The following DLG2 variants were observed in gnomAD, a reference collection of about 807,000 sequenced individuals.
DLG2 encodes the protein disks large homolog 2.
DLG2 carries 45 observed loss-of-function variants against 132.5 expected under a neutral mutation model. The ratio of observed to expected loss-of-function variants is 0.34; its 90% CI spans 0.27 to 0.44. DLG2 has a LOEUF of 0.44. DLG2 is among the 20% of genes least tolerant of loss of function. The pLI is 1.00. For synonymous variants in DLG2, 424 were observed against 419.6 expected (o/e 1.01, Z -0.13); for missense variants, 1,045 against 1,196.9 (o/e 0.87, Z 1.87).
At chr11:84,437,894 C>G (rs912973444) in intron 7 of DLG2, 1 of 152,534 alleles carries the variant, frequency 6.6e-6, no homozygotes, top group Non-Finnish European at 1.5e-5. Context: ...GCTTTGGCTT[C>G]CCTCTATCTT....
chr11:84,025,402 C>G (rs772402799), intron 11 of DLG2, among the ~76,000 whole-genome samples: 2 of 152,154 alleles, frequency 1.3e-5, no homozygotes, highest in African/African-American at 2.4e-5. Flanking sequence ...TTACCTCCCA[C>G]TGGGTCCCTC....
intron 7 of DLG2, among the ~76,000 whole-genome samples, chr11:84,314,544 T>C (rs1426512795): frequency 6.6e-6 from 1 of 152,112 alleles, no homozygotes; most frequent in African/African-American, 2.4e-5. Context: ...TAAATATACA[T>C]ATATCAGTAG....
intron 6 of DLG2, among the ~76,000 whole-genome samples, chr11:84,767,628 T>C (rs934509899): frequency 6.6e-6 from 1 of 152,072 alleles, no homozygotes; most frequent in East Asian, 1.9e-4. Context: ...GTCAAGATTT[T>C]TTTTTTTATT....
intron 19 of DLG2, among the ~76,000 whole-genome samples, chr11:83,554,461 A>G (rs1010712087): frequency 3.9e-5 from 6 of 152,220 alleles, no homozygotes; most frequent in Non-Finnish European, 8.8e-5. Context: ...GAGGTAACAT[A>G]TGTAAAACTC....
chr11:85,028,118 A>G (rs372844599), intron 6 of DLG2, among the ~76,000 whole-genome samples: 5 of 152,254 alleles, frequency 3.3e-5, no homozygotes, highest in African/African-American at 7.2e-5. Context: ...CCAGCTGTCA[A>G]TGAAGAGGGA....
chr11:84,133,121 C>T (rs2094477978), intron 9 of DLG2, among the ~76,000 whole-genome samples: 1 of 152,004 alleles, frequency 6.6e-6, no homozygotes, highest in Non-Finnish European at 1.5e-5. Flanking sequence ...GTAGCATAGG[C>T]AACCAGACAG....
intron 6 of DLG2, among the ~76,000 whole-genome samples, chr11:85,040,188 G>A (rs1418105850): frequency 1.3e-5 from 2 of 151,774 alleles, no homozygotes; most frequent in African/African-American, 4.8e-5. Flanking sequence ...ACCTACCAAG[G>A]ATGAAAAGAA....
At chr11:83,641,394 A>G (rs544312719) in intron 18 of DLG2, among the ~76,000 whole-genome samples, 12 of 152,328 alleles carry the variant, frequency 7.9e-5, no homozygotes, top group Admixed American at 2.0e-4. Flanking sequence ...ATATGATGAT[A>G]CAAAAATAAT....
intron 7 of DLG2, among the ~76,000 whole-genome samples, chr11:84,312,225 A>G (rs1255614235): frequency 6.6e-6 from 1 of 152,108 alleles, no homozygotes; most frequent in African/African-American, 2.4e-5. Flanking sequence ...TAATCCCAAC[A>G]CTTTGGGAGG....
At chr11:84,947,102 G>A (rs943239423) in intron 6 of DLG2, among the ~76,000 whole-genome samples, 1 of 152,208 alleles carries the variant, frequency 6.6e-6, no homozygotes, top group African/African-American at 2.4e-5. Context: ...CAGGGGATGG[G>A]TGAGGGATGA....
chr11:85,441,279 TAC>T (rs2091764173), intron 3 of DLG2, among the ~76,000 whole-genome samples: 2 of 152,196 alleles, frequency 1.3e-5, no homozygotes, highest in African/African-American at 4.8e-5. Context: ...TTACCGACCC[TAC>T]TCTAAATATG....
At position 85,154,558 on chromosome 11, in the gene DLG2, T is replaced by C; in HGVS notation, c.280A>G (p.Thr94Ala). ...AAAGAAAACAGTATAACACTTACAG[T>C]TGTCGTCTCATCAGTTTCATTTTCA... ...SFENETDETT[T>A]QNQGRCPAQN... The change falls in exon 5 of 28, where the codon ACT becomes GCT. Residue 94 changes from threonine (T) to alanine (A), a missense_variant and splice_region_variant. Transcript: ENST00000376104. 3.5e-6 allele frequency: 5 copies of C among 1,442,396 alleles called. No individual in the cohort carries two copies. The highest frequency in any genetic ancestry group is 3.8e-6 in the Non-Finnish European group (4 of 1,050,398). The allele number at this position is 1,442,396 out of a possible 1,614,324, so 89.3% of individuals were successfully genotyped here. A position where few individuals can be genotyped will look rare whatever the true frequency, so the allele number is the denominator to read the frequency against.
chr11:84,187,242 C>A lies in DLG2; in HGVS notation c.574-23731G>T, dbSNP rs1242902050. Among the ~76,000 whole-genome samples the A allele has an allele frequency of 2.6e-5, 4 of 151,554 alleles. No homozygotes were observed. The East Asian group carries it at 7.7e-4, about 29-fold the overall frequency. On this transcript the variant is annotated intron_variant, in intron 8 of 27. Coordinates refer to ENST00000376104, the MANE Select transcript of DLG2 (RefSeq NM_001142699.3). The stretch of plus-strand genomic sequence containing the variant: ...TTACTAAAAATTGGTAATAACAGAG[C>A]TGGTATATCTTTATTATATTCATTA...
chr11:84,847,758 A>G (rs534002711), intron 6 of DLG2, among the ~76,000 whole-genome samples: 5 of 152,278 alleles, frequency 3.3e-5, no homozygotes, highest in African/African-American at 1.2e-4. Flanking sequence ...AATAGCTTGT[A>G]AGATTCTCAA....
intron 8 of DLG2, among the ~76,000 whole-genome samples, chr11:84,164,020 C>T (rs2095607133): frequency 6.6e-6 from 1 of 151,992 alleles, no homozygotes; most frequent in African/African-American, 2.4e-5. Flanking sequence ...GTAAATCATC[C>T]CCATCATCCT....
At chr11:84,284,534 A>G (rs2097888390) in intron 7 of DLG2, among the ~76,000 whole-genome samples, 1 of 152,218 alleles carries the variant, frequency 6.6e-6, no homozygotes, top group Non-Finnish European at 1.5e-5. Context: ...AAAGAAAACA[A>G]GAGACCTGAG....
intron 7 of DLG2, among the ~76,000 whole-genome samples, chr11:84,531,805 A>G (rs955215356): frequency 3.9e-5 from 6 of 152,234 alleles, no homozygotes; most frequent in African/African-American, 1.4e-4. Context: ...TAGAAGTGAC[A>G]TAAATATAAC....
intron 6 of DLG2, among the ~76,000 whole-genome samples, chr11:84,705,750 C>T (rs1035675396): frequency 9.2e-5 from 14 of 151,570 alleles, no homozygotes; most frequent in African/African-American, 3.4e-4. Flanking sequence ...AAGTGGAGTT[C>T]AGTAGAAATT....
rs913636262 is a variant in DLG2 at position 85,001,529 on chromosome 11, T to C, written c.357+110132A>G. Among the ~76,000 whole-genome samples, 126 of 152,140 alleles carry C rather than the reference T, an allele frequency of 8.3e-4. 1 individual carries two copies. The highest frequency in any genetic ancestry group is 2.8e-3 in the African/African-American group (118 of 41,512). On this transcript the variant is annotated intron_variant, in intron 6 of 27. Coordinates refer to ENST00000376104, the MANE Select transcript of DLG2 (RefSeq NM_001142699.3). ...ATCAGAGAGTATGTAAAAATATGAG[T>C]GACATGGATGGTTTTCTTTCAGTTA... is the stretch of plus-strand genomic sequence containing the variant.
Sources: gnomAD v4.1 joint callset for allele counts (sites outside exome capture counted in the v4.1 genomes callset) on GRCh38, gnomAD v4.1.1 for gene constraint, MANE v1.5 for transcripts, NCBI Gene and HGNC (gene_info 2026-07-23, HGNC 2026-07-21) for gene names.